The following ABHD17A variants were observed in gnomAD, a reference collection of about 807,000 sequenced individuals.
The protein encoded by ABHD17A is alpha/beta hydrolase domain-containing protein 17A.
In ABHD17A, 10 loss-of-function variants were observed where a neutral mutation model predicts 26.8. That is an observed-to-expected ratio of 0.37 (90% CI 0.23 to 0.63). The LOEUF (loss-of-function observed/expected upper bound fraction) is 0.63. Ranked by LOEUF, ABHD17A falls within the 30% of genes least tolerant of loss-of-function variation. The pLI, the probability that ABHD17A is intolerant of heterozygous loss-of-function variation, is 0.61. For synonymous variants in ABHD17A, 167 were observed against 210.9 expected (o/e 0.79, Z 1.80); for missense variants, 292 against 457.3 (o/e 0.64, Z 3.30).
intron 3 of ABHD17A, chr19:1,878,203 T>A (rs1199996899): frequency 6.3e-6 from 1 of 157,636 alleles, no homozygotes; most frequent in East Asian, 1.9e-4. Flanking sequence ...TCCACCCAAT[T>A]TTGGACTCTC....
chr19:1,881,253 C>A lies in ABHD17A; in HGVS notation c.314G>T (p.Arg105Leu). 6.2e-7 allele frequency: 1 copy of A among 1,611,128 alleles called. No individual in the cohort carries two copies. The highest frequency in any genetic ancestry group is 8.5e-7 in the Non-Finnish European group (1 of 1,179,738). The change falls in exon 2 of 5, where the codon CGC becomes CTC. Residue 105 changes from arginine to leucine, a missense_variant. By Grantham distance (102) the Arg-to-Leu change is moderately radical. Transcript: ENST00000292577. ...RGNRVSCMYV[R>L]CVPGARYTVL... Reference sequence around the variant, plus strand: ...TGCTCACCTGGCACCAGGCACGCAGCGAACATACATGCAGGAGACGCGGTT... The same window carrying A: ...TGCTCACCTGGCACCAGGCACGCAGAGAACATACATGCAGGAGACGCGGTT...
At position 1,879,510 on chromosome 19, in the gene ABHD17A, C is replaced by T. The variant is rs925123755; in HGVS notation, c.527+411G>A. 68 of 278,730 alleles carry T rather than the reference C, an allele frequency of 2.4e-4. No individual in the cohort carries two copies. Among genetic ancestry groups the T allele is most frequent in the African/African-American group, 1.4e-3 (61 of 43,946 alleles). 17.3% of individuals were successfully genotyped at this position (278,730 alleles called of 1,614,324 possible). A position where few individuals can be genotyped will look rare whatever the true frequency, so the allele number is the denominator to read the frequency against. On this transcript the variant is annotated intron_variant, in intron 3 of 4. Coordinates refer to ENST00000292577, the MANE Select transcript of ABHD17A (RefSeq NM_001130111.2). This position sits in a 1 kb window ranked among gnomAD's most constrained non-coding sequence, Gnocchi z 7.6. ...CACAGGGCCTCATGGGCCAGTCCTC[C>T]GGACCTGGATGCAGCAGCCTCGCCT...
At position 1,885,490 on chromosome 19, in the gene ABHD17A, G is replaced by A. The variant is rs1425753166; in HGVS notation, c.-377C>T. On this transcript the variant is annotated 5_prime_UTR_variant, in exon 1 of 5. Transcript: ENST00000292577. The stretch of plus-strand genomic sequence containing the variant: ...CGCAGCTCCCCCCACGGACGGAAGT[G>A]AGCCTCGTTCTCACCACCGCCCCGG... The A allele has an allele frequency of 6.6e-6, 1 of 152,302 alleles. No individual in the cohort carries two copies. The highest frequency in any genetic ancestry group is 1.9e-4 in the East Asian group (1 of 5,186). The allele number at this position is 152,302 out of a possible 1,614,324, so 9.4% of individuals were successfully genotyped here.
In ABHD17A at chr19:1,879,948, T is replaced by C; in HGVS notation, c.500A>G (p.Asp167Gly). The C allele has an allele frequency of 6.2e-7, 1 of 1,612,460 alleles. No individual in the cohort carries two copies. Among genetic ancestry groups the C allele is most frequent in the Non-Finnish European group, 8.5e-7 (1 of 1,179,784 alleles). Residue 167 changes from aspartate (D) to glycine (G), a missense_variant, in exon 3 of 5, where the codon GAC (aspartate) becomes GGC (glycine). By Grantham distance (94) the Asp-to-Gly change is moderately conservative (BLOSUM62 -1). This residue lies in a region of ABHD17A where 25 missense variants were observed against 40.3 expected (regional missense o/e 0.62). Coordinates refer to ENST00000292577, the MANE Select transcript of ABHD17A (RefSeq NM_001130111.2). This position sits in a 1 kb window ranked among gnomAD's most constrained non-coding sequence, Gnocchi z 7.6. ...GGTGCGCAGGGCCTGCCAGGCGGCG[T>C]CGATGTCGGCATAGAGGTTCCTCTC... ...PSERNLYADI[D>G]AAWQALRTRY...
chr19:1,880,889 A>G lies in ABHD17A; in HGVS notation c.332+346T>C, dbSNP rs1411217545. 1.2e-6 allele frequency: 2 copies of G among 1,612,936 alleles called. No individual in the cohort carries two copies. The highest frequency in any genetic ancestry group is 4.5e-5 in the East Asian group (2 of 44,874). ...CCCTCTGGACTCAGATCTGGTCAGA[A>G]CCCCACCTGGCGAGAAGGTGGATGT... On this transcript the variant is annotated intron_variant, in intron 2 of 4. Transcript: ENST00000292577. This position sits in a 1 kb window ranked among gnomAD's most constrained non-coding sequence, Gnocchi z 4.1.
At chr19:1,881,019 G>A in intron 2 of ABHD17A, 2 of 1,611,248 alleles carry the variant, frequency 1.2e-6, no homozygotes, top group Non-Finnish European at 1.7e-6. Context: ...TGCCAGCTGG[G>A]GATGGCCTCC....
Position 1,881,438 on chromosome 19 carries a change from C to G in ABHD17A, c.129G>C (p.Pro43=). 6.2e-7 allele frequency: 1 copy of G among 1,602,170 alleles called. No individual in the cohort carries two copies. The highest frequency in any genetic ancestry group is 2.2e-5 in the East Asian group (1 of 44,792). The change falls in exon 2 of 5, where the codon CCG becomes CCC. Residue 43 remains proline, a synonymous_variant. Coordinates refer to ENST00000292577, the MANE Select transcript of ABHD17A (RefSeq NM_001130111.2). ...GGGCGGCCCCGGCCCCACCAGGCCCCGGCTCGGGCTCAGGCACCAGGGAGT... is the reference window on the plus strand; with the variant it reads ...GGGCGGCCCCGGCCCCACCAGGCCCGGGCTCGGGCTCAGGCACCAGGGAGT... ...ATYSLVPEPE[P]GPGGAGAAPL... is the part of the protein sequence containing the mutation.
rs1318312829 is a variant in ABHD17A, at chr19:1,880,694, C to G, written c.332+541G>C. On this transcript the variant is annotated intron_variant, in intron 2 of 4. Coordinates refer to ENST00000292577, the MANE Select transcript of ABHD17A (RefSeq NM_001130111.2). This position sits in a 1 kb window ranked among gnomAD's most constrained non-coding sequence, Gnocchi z 4.1. ...CTCACACTCATGCAGCCCCTCCTGGCCCACCACCCTGCCCAAGCCCCAAGG... is the reference window on the plus strand; with the variant it reads ...CTCACACTCATGCAGCCCCTCCTGGGCCACCACCCTGCCCAAGCCCCAAGG... Among the ~76,000 whole-genome samples, 1 of 152,182 alleles carries G rather than the reference C, an allele frequency of 6.6e-6. No individual in the cohort carries two copies. Among genetic ancestry groups the G allele is most frequent in the Non-Finnish European group, 1.5e-5 (1 of 68,026 alleles).
chr19:1,880,166 T>C lies in ABHD17A; in HGVS notation c.333-51A>G, dbSNP rs143714194. 2.0e-4 allele frequency: 319 copies of C among 1,599,472 alleles called. 1 individual carries two copies. In the East Asian group the frequency reaches 7.0e-3, roughly 35 times the overall value. ...CACATCCTCGCTCCCAGCGCCCAGC[T>C]GCAGGGCAGGAGGATGCGTAGTGAC... On this transcript the variant is annotated intron_variant, in intron 2 of 4. Transcript: ENST00000292577. This position sits in a 1 kb window ranked among gnomAD's most constrained non-coding sequence, Gnocchi z 4.1.
Position 1,877,540 on chromosome 19 carries a change from G to C in ABHD17A, c.675C>G (p.Thr225=). The change falls in exon 4 of 5, where the codon ACC becomes ACG. Residue 225 remains threonine, a synonymous_variant. Coordinates refer to ENST00000292577, the MANE Select transcript of ABHD17A (RefSeq NM_001130111.2). ...AGGCGTCGAAGCAGTAGGTCTTCTT[G>C]GTGTCGGGGAAGGCGACGCGCATGC... The part of the protein sequence containing the change: ...TSGMRVAFPD[T]KKTYCFDAFP... 1 of 1,595,470 alleles carries C rather than the reference G, an allele frequency of 6.3e-7. No homozygotes were observed. Among genetic ancestry groups the C allele is most frequent in the South Asian group, 1.1e-5 (1 of 90,938 alleles).
At position 1,880,983 on chromosome 19, in the gene ABHD17A, T is replaced by C. The variant is rs764973504; in HGVS notation, c.332+252A>G. 2 of 1,612,330 alleles carry C rather than the reference T, an allele frequency of 1.2e-6. No homozygotes were observed. Among genetic ancestry groups the C allele is most frequent in the Admixed American group, 3.3e-5 (2 of 59,980 alleles). ...CAGGCAACCACCAGGCGCTGGGTTG[T>C]TGGAGTCGCCCAGCCTGCCCACCCA... On this transcript the variant is annotated intron_variant, in intron 2 of 4. Coordinates refer to ENST00000292577, the MANE Select transcript of ABHD17A (RefSeq NM_001130111.2). This position sits in a 1 kb window ranked among gnomAD's most constrained non-coding sequence, Gnocchi z 4.1.
chr19:1,884,839 C>T (rs970112807), intron 1 of ABHD17A, among the ~76,000 whole-genome samples: 1 of 152,076 alleles, frequency 6.6e-6, no homozygotes, highest in Non-Finnish European at 1.5e-5. Flanking sequence ...GAAGAAGTCC[C>T]GAGCAAGCGA....
Position 1,881,712 on chromosome 19 carries a change from C to T in ABHD17A, c.-146G>A, listed in dbSNP as rs2012542653. ...CAGCTACCGCCCCAGACAGCAGCCCCGTTAGGAGGCCAGGGCCCAGCCCCA... is the reference window on the plus strand; with the variant it reads ...CAGCTACCGCCCCAGACAGCAGCCCTGTTAGGAGGCCAGGGCCCAGCCCCA... On this transcript the variant is annotated 5_prime_UTR_variant, in exon 2 of 5. Transcript: ENST00000292577. 1.7e-6 allele frequency: 2 copies of T among 1,193,804 alleles called. No homozygotes were observed. Among genetic ancestry groups the T allele is most frequent in the Admixed American group, 3.8e-5 (1 of 26,628 alleles). 74.0% of individuals were successfully genotyped at this position (1,193,804 alleles called of 1,614,324 possible). A position where few individuals can be genotyped will look rare whatever the true frequency, so the allele number is the denominator to read the frequency against.
intron 1 of ABHD17A, among the ~76,000 whole-genome samples, 166 bp downstream of exon 1, chr19:1,885,186 C>A (rs1053838006): frequency 2.0e-5 from 3 of 152,116 alleles, no homozygotes; most frequent in African/African-American, 2.4e-5. Context: ...CAATCACAGA[C>A]GCTCATCCGC....
At position 1,880,402 on chromosome 19, in the gene ABHD17A, G is replaced by A. The variant is rs960821554; in HGVS notation, c.333-287C>T. 3.3e-5 allele frequency among the ~76,000 whole-genome samples: 5 copies of A among 152,174 alleles called. No individual in the cohort carries two copies. Among genetic ancestry groups the A allele is most frequent in the Admixed American group, 6.5e-5 (1 of 15,284 alleles). On this transcript the variant is annotated intron_variant, in intron 2 of 4. Transcript: ENST00000292577. The surrounding 1 kb of genome is among the most constrained non-coding windows in gnomAD (Gnocchi z 4.1). ...GCCTCAGGATTCCCATCTGTGAAGC[G>A]GGACACTGGGACCATCGGTCGCATC...
chr19:1,881,607 C>G lies in ABHD17A; in HGVS notation c.-41G>C. On this transcript the variant is annotated 5_prime_UTR_variant, in exon 2 of 5. Transcript: ENST00000292577. The stretch of plus-strand genomic sequence containing the variant: ...GGCCGGGCCTCCACCGGGGCCCCCG[C>G]CAACAACGCCGCCCGGCCTGGCCCG... 2.0e-6 allele frequency: 3 copies of G among 1,495,472 alleles called. No individual in the cohort carries two copies. The highest frequency in any genetic ancestry group is 2.6e-6 in the Non-Finnish European group (3 of 1,132,348). The allele number at this position is 1,495,472 out of a possible 1,614,324, so 92.6% of individuals were successfully genotyped here. A position where few individuals can be genotyped will look rare whatever the true frequency, so the allele number is the denominator to read the frequency against.
At chr19:1,881,936 GC>G in intron 1 of ABHD17A, 132 bp from the exon 2 acceptor site, 1 of 230,972 alleles carries the variant, frequency 4.3e-6, no homozygotes, top group South Asian at 7.5e-5. Flanking sequence ...CATCCCCTCG[GC>G]CCTCCCCACG....
rs530633053 is a variant in ABHD17A, at chr19:1,879,563, G to A, written c.527+358C>T. 1.1e-3 allele frequency: 355 copies of A among 333,246 alleles called. No homozygotes were observed. Among genetic ancestry groups the A allele is most frequent in the African/African-American group, 7.1e-3 (328 of 46,250 alleles). The allele number at this position is 333,246 out of a possible 1,614,324, so 20.6% of individuals were successfully genotyped here. The stretch of plus-strand genomic sequence containing the variant: ...CTTGGCCCCAAGTGCTGCCTCGGCC[G>A]ATGGGCTCCCAGCCACACGTGCACA... On this transcript the variant is annotated intron_variant, in intron 3 of 4. Coordinates refer to ENST00000292577, the MANE Select transcript of ABHD17A (RefSeq NM_001130111.2). This position sits in a 1 kb window ranked among gnomAD's most constrained non-coding sequence, Gnocchi z 7.6.
intron 1 of ABHD17A, chr19:1,883,502 C>A (rs1269209143): frequency 1.3e-5 from 2 of 152,304 alleles, no homozygotes; most frequent in Non-Finnish European, 2.9e-5. Context: ...GCAGCTGGGT[C>A]CTGAGAGCCC....
Sources: gnomAD v4.1 joint callset for allele counts (sites outside exome capture counted in the v4.1 genomes callset) on GRCh38, gnomAD v4.1.1 for gene constraint, gnomAD v4.1.1 regional missense constraint, Gnocchi (gnomAD v3.1) non-coding constraint, MANE v1.5 for transcripts, NCBI Gene and HGNC (gene_info 2026-07-23, HGNC 2026-07-21) for gene names.